Variants in ELF4 observed in about 807,000 individuals in gnomAD.
ELF4 encodes the protein E74 like ETS transcription factor 4.
In ELF4, 10 loss-of-function variants were observed where a neutral mutation model predicts 31.7. That is an observed-to-expected ratio of 0.32 (90% CI 0.19 to 0.54). The LOEUF (loss-of-function observed/expected upper bound fraction) is 0.54. Among genes scored for constraint, ELF4 ranks in the 20% least tolerant of loss-of-function variants. The pLI is 0.95. For synonymous variants in ELF4, 208 were observed against 226.7 expected, an observed-to-expected ratio of 0.92 and a Z score of 0.74; for missense variants, 418 against 522.0, an observed-to-expected ratio of 0.80 and a Z score of 1.94.
intron 1 of ELF4, among the ~76,000 whole-genome samples, chrX:130,095,736 T>C (rs758878313): frequency 7.1e-5 from 8 of 111,956 alleles, no homozygotes; most frequent in African/African-American, 1.6e-4. Flanking sequence ...GGCCGACTCT[T>C]CCTATAAGCT....
chrX:130,104,237 T>C lies in ELF4; in HGVS notation c.-210+6088A>G, dbSNP rs182960126. ...TTAGTACAAATATTAACGATTTGAG[T>C]TTTGCTCTTCACTACAGCACTGCCT... On this transcript the variant is annotated intron_variant, in intron 1 of 8. Coordinates refer to ENST00000308167, the MANE Select transcript of ELF4 (RefSeq NM_001421.4). 3.7e-5 allele frequency among the ~76,000 whole-genome samples: 4 copies of C among 108,371 alleles called. No individual in the cohort carries two copies. In the East Asian group the frequency reaches 1.2e-3, roughly 31 times the overall value. 94.1% of individuals were successfully genotyped at this position (108,371 alleles called of 115,157 possible).
In ELF4 at chrX:130,067,053, C is replaced by T. The variant is rs1361276805; in HGVS notation, c.1660G>A (p.Ala554Thr). The change falls in exon 9 of 9, where the codon GCC becomes ACC. Residue 554 changes from alanine (A) to threonine (T), a missense_variant. Ala to Thr is a moderately conservative substitution (Grantham distance 58). Coordinates refer to ENST00000308167, the MANE Select transcript of ELF4 (RefSeq NM_001421.4). ...GGAACCAGCAGCCCCTCCATGGGGGCCCCCGTCACCATACCCTGAACATAG... is the reference window on the plus strand; with the variant it reads ...GGAACCAGCAGCCCCTCCATGGGGGTCCCCGTCACCATACCCTGAACATAG... ...SSYVQGMVTG[A>T]PMEGLLVPEE... 1.7e-6 allele frequency: 2 copies of T among 1,211,900 alleles called. No individual in the cohort carries two copies. The highest frequency in any genetic ancestry group is 2.2e-6 in the Non-Finnish European group (2 of 895,387).
intron 2 of ELF4, among the ~76,000 whole-genome samples, chrX:130,078,648 T>C (rs1932856179): frequency 9.1e-6 from 1 of 110,313 alleles, no homozygotes; most frequent in Non-Finnish European, 1.9e-5. Flanking sequence ...TCCCAGCTAC[T>C]TGGGAGGCTG....
intron 1 of ELF4, among the ~76,000 whole-genome samples, chrX:130,086,027 T>C (rs1420629267): frequency 9.0e-6 from 1 of 111,681 alleles, no homozygotes; most frequent in Non-Finnish European, 1.9e-5. Flanking sequence ...AATTCACCCA[T>C]CCACAGGACT....
In ELF4 at chrX:130,098,658, G is replaced by A. The variant is rs760514123; in HGVS notation, c.-210+11667C>T. Among the ~76,000 whole-genome samples, 17 of 112,038 alleles carry A rather than the reference G, an allele frequency of 1.5e-4. No individual in the cohort carries two copies. In the South Asian group the frequency reaches 5.9e-3, roughly 39 times the overall value. ...TAGGATGAGGCCAGACCTAACCACTGAGCGAGCTAAAAGATTATCCCCCAG... is the reference window on the plus strand; with the variant it reads ...TAGGATGAGGCCAGACCTAACCACTAAGCGAGCTAAAAGATTATCCCCCAG... On this transcript the variant is annotated intron_variant, in intron 1 of 8. Coordinates refer to ENST00000308167, the MANE Select transcript of ELF4 (RefSeq NM_001421.4).
intron 1 of ELF4, among the ~76,000 whole-genome samples, chrX:130,109,662 T>C (rs1329821706): frequency 9.0e-6 from 1 of 111,590 alleles, no homozygotes; most frequent in East Asian, 2.8e-4. Flanking sequence ...CATAAAGCGG[T>C]CACCGCCTCA....
Position 130,069,528 on chromosome X carries a change from G to A in ELF4, c.959C>T (p.Ser320Phe), listed in dbSNP as rs747949247. 1.7e-6 allele frequency: 2 copies of A among 1,211,804 alleles called. No individual in the cohort carries two copies. Among genetic ancestry groups the A allele is most frequent in the South Asian group, 1.8e-5 (1 of 57,055 alleles). ...TAAPPQASTA[S>F]VASASTTRRT... ...CCGGGTGGTACTGGCAGAGGCCACA[G>A]AGGCCGTGGAGGCCTGAGGTGGGGC... is the stretch of plus-strand genomic sequence containing the variant. The change falls in exon 8 of 9, where the codon TCT becomes TTT. Residue 320 changes from serine (S) to phenylalanine (F), a missense_variant. Around this residue, in one of 4 missense-constraint regions of ELF4, gnomAD observed 35 missense variants for 84.0 expected, o/e 0.42. Coordinates refer to ENST00000308167, the MANE Select transcript of ELF4 (RefSeq NM_001421.4).
At chrX:130,102,960 GAGGAAGGAAGGA>G (rs1167619118) in intron 1 of ELF4, among the ~76,000 whole-genome samples, 1 of 51,236 alleles carries the variant, frequency 2.0e-5, no homozygotes, top group Non-Finnish European at 3.5e-5. Context: ...GGAAGGGAGG[GAGGAAGGAAGGA>G]AGGAAGGAAG....
chrX:130,088,614 G>A (rs1247803234), intron 1 of ELF4, among the ~76,000 whole-genome samples: 2 of 110,951 alleles, frequency 1.8e-5, no homozygotes, highest in East Asian at 5.7e-4. Context: ...TCGGGAGACT[G>A]AGGCAAGAGA....
At chrX:130,105,024 G>A (rs1413597563) in intron 1 of ELF4, among the ~76,000 whole-genome samples, 2 of 110,055 alleles carry the variant, frequency 1.8e-5, no homozygotes, top group Non-Finnish European at 3.8e-5. Context: ...AAGAAAATTA[G>A]CTGGGCATGG....
At position 130,067,514 on chromosome X, in the gene ELF4, A is replaced by T; in HGVS notation, c.1199T>A (p.Val400Glu). The T allele has an allele frequency of 8.3e-7, 1 of 1,211,996 alleles. No homozygotes were observed. Among genetic ancestry groups the T allele is most frequent in the Non-Finnish European group, 1.1e-6 (1 of 895,440 alleles). ...CACTCCTAGGTGGATGTTGCTGGGCACTGAAGATGCACTGAGAAGAAACAG... is the reference window on the plus strand; with the variant it reads ...CACTCCTAGGTGGATGTTGCTGGGCTCTGAAGATGCACTGAGAAGAAACAG... ...KLTKAVSASS[V>E]PSNIHLGVAP... The change falls in exon 9 of 9, where the codon GTG becomes GAG. Residue 400 changes from valine (V) to glutamate (E), a missense_variant. Val to Glu is a moderately radical substitution (Grantham distance 121). Transcript: ENST00000308167.
intron 1 of ELF4, among the ~76,000 whole-genome samples, chrX:130,091,075 T>C (rs1413827054): frequency 8.9e-6 from 1 of 112,112 alleles, no homozygotes; most frequent in Non-Finnish European, 1.9e-5. Context: ...AAAGGTTTGC[T>C]GAATGCTGGA....
At chrX:130,068,310 T>C (rs6637685) in intron 8 of ELF4, among the ~76,000 whole-genome samples, 27,924 of 111,400 alleles carry the variant, frequency 0.25, 2,728 homozygotes, top group Admixed American at 0.39. Flanking sequence ...ATACCTATGT[T>C]ATCCTTTGAT....
At chrX:130,103,200 T>G (rs920687203) in intron 1 of ELF4, among the ~76,000 whole-genome samples, 1 of 111,805 alleles carries the variant, frequency 8.9e-6, no homozygotes, top group Non-Finnish European at 1.9e-5. Context: ...TCATCAAAAT[T>G]TAAAATGTTT....
chrX:130,080,343 G>C (rs1483727976), intron 2 of ELF4, among the ~76,000 whole-genome samples: 1 of 105,424 alleles, frequency 9.5e-6, no homozygotes, highest in Admixed American at 1.1e-4. Flanking sequence ...AGAATGGCTT[G>C]AACATGGGAG....
At chrX:130,098,026 C>T (rs892717631) in intron 1 of ELF4, among the ~76,000 whole-genome samples, 2 of 112,143 alleles carry the variant, frequency 1.8e-5, no homozygotes, top group African/African-American at 3.2e-5. Flanking sequence ...GCCGGCTGCC[C>T]CCGCCCTGCC....
At chrX:130,088,107 G>T in intron 1 of ELF4, among the ~76,000 whole-genome samples, 2 of 111,193 alleles carry the variant, frequency 1.8e-5, no homozygotes, top group South Asian at 7.6e-4. Context: ...GGGCAGTTTG[G>T]TCTGGGTATA....
intron 1 of ELF4, among the ~76,000 whole-genome samples, chrX:130,106,140 C>T (rs1933375054): frequency 9.2e-6 from 1 of 109,130 alleles, no homozygotes; most frequent in Admixed American, 9.9e-5. Flanking sequence ...AAATCTCCCC[C>T]TTGCTTCCCC....
intron 1 of ELF4, among the ~76,000 whole-genome samples, chrX:130,101,692 G>T (rs181421575): frequency 1.8e-5 from 2 of 110,262 alleles, no homozygotes; most frequent in Non-Finnish European, 3.8e-5. Flanking sequence ...TCGGGAGGTC[G>T]GGAGGCTGAG....
Sources: gnomAD v4.1 joint callset for allele counts (sites outside exome capture counted in the v4.1 genomes callset) on GRCh38, gnomAD v4.1.1 for gene constraint, gnomAD v4.1.1 regional missense constraint, MANE v1.5 for transcripts, NCBI Gene and HGNC (gene_info 2026-07-23, HGNC 2026-07-21) for gene names.